DNAH10: variants seen among roughly 807,000 people sequenced by gnomAD.
DNAH10 encodes dynein axonemal heavy chain 10, also known as axonemal beta dynein heavy chain 10.
DNAH10 carries 348 observed loss-of-function variants against 506.6 expected under a neutral mutation model. The observed-to-expected ratio is 0.69, with a 90% CI of 0.63 to 0.75. The LOEUF (loss-of-function observed/expected upper bound fraction) is 0.75. DNAH10 is among the 30% of genes least tolerant of loss of function. The probability of loss-of-function intolerance (pLI) is 0.00; values close to 1 mark genes in which losing one functional copy is unlikely to be tolerated. For missense variants in DNAH10, 5,179 were observed against 5,787.1 expected, an observed-to-expected ratio of 0.89 and a Z score of 3.41; for synonymous variants, 2,059 against 2,198.6, an observed-to-expected ratio of 0.94 and a Z score of 1.78.
At chr12:123,930,371 C>CCTGG (rs1381117932) in intron 72 of DNAH10, 31 bp from the exon 73 acceptor site, 8 of 1,500,670 alleles carry the variant, frequency 5.3e-6, no homozygotes, top group Non-Finnish European at 6.2e-6. Flanking sequence ...GTTCTGAGCT[C>CCTGG]CTGGCTGGCT....
At chr12:123,893,728 C>T (rs1953093798) in intron 53 of DNAH10, among the ~76,000 whole-genome samples, 1 of 152,200 alleles carries the variant, frequency 6.6e-6, no homozygotes, top group Non-Finnish European at 1.5e-5. Context: ...CCACCAGCCT[C>T]ATGCCAGCCT....
Position 123,784,136 on chromosome 12 carries a change from G to A in DNAH10, c.1189G>A (p.Asp397Asn), listed in dbSNP as rs760223312. 5 of 1,614,140 alleles carry A rather than the reference G, an allele frequency of 3.1e-6. No homozygotes were observed. The Admixed American group carries it at 8.3e-5, about 27-fold the overall frequency. ...ELFKFHTEASDNVRFLSTVER... is the reference protein window; with the variant it reads ...ELFKFHTEASNNVRFLSTVER... ...ATTCAAGTTCCACACGGAGGCCTCA[G>A]ACAATGTGCGCTTTCTCTCCACCGT... is the stretch of plus-strand genomic sequence containing the variant. The change falls in exon 8 of 79, where the codon GAC (aspartate) becomes AAC (asparagine). Residue 397 changes from aspartate to asparagine, a missense_variant. Physicochemically the swap from Asp to Asn is conservative, Grantham distance 23. Transcript: ENST00000673944.
Position 123,919,158 on chromosome 12 carries a change from C to A in DNAH10, c.11506+209C>A. The A allele has an allele frequency of 1.8e-6, 1 of 562,076 alleles. No individual in the cohort carries two copies. Among genetic ancestry groups the A allele is most frequent in the Non-Finnish European group, 2.9e-6 (1 of 343,658 alleles). 34.8% of individuals were successfully genotyped at this position (562,076 alleles called of 1,614,324 possible). ...TGGTGCGATCACGGCTCACTGCAAC[C>A]TCCACCTCCCAGGCTCAGGTGATCC... On this transcript the variant is annotated intron_variant, in intron 65 of 78. Coordinates refer to ENST00000673944, the MANE Select transcript of DNAH10 (RefSeq NM_001372106.1). The surrounding 1 kb of genome is among the most constrained non-coding windows in gnomAD (Gnocchi z 4.9).
At chr12:123,786,873 C>T (rs1342600938) in intron 9 of DNAH10, among the ~76,000 whole-genome samples, 1 of 152,028 alleles carries the variant, frequency 6.6e-6, no homozygotes, top group Non-Finnish European at 1.5e-5. Flanking sequence ...TGCGGTGGCT[C>T]ACGCCTGTAA....
intron 78 of DNAH10, 37 bp downstream of exon 78, chr12:123,934,803 C>T (rs1955410916): frequency 1.2e-6 from 2 of 1,610,984 alleles, no homozygotes; most frequent in Non-Finnish European, 1.7e-6. Context: ...ACACCAGGGC[C>T]CTTCCTCTTC....
chr12:123,781,157 T>C lies in DNAH10; in HGVS notation c.699T>C (p.Asn233=). 1.9e-6 allele frequency: 3 copies of C among 1,614,146 alleles called. No individual in the cohort carries two copies. In the South Asian group the frequency reaches 3.3e-5, roughly 18 times the overall value. Residue 233 remains asparagine, a synonymous_variant, in exon 6 of 79, where the codon AAT becomes AAC. Coordinates refer to ENST00000673944, the MANE Select transcript of DNAH10 (RefSeq NM_001372106.1). ...GAGTCACATCTGGAGAAGTCTCTAA[T>C]TCCTCTGAGCATGAATCAGACCTGC... ...TVGVTSGEVS[N]SSEHESDLPP...
intron 35 of DNAH10, among the ~76,000 whole-genome samples, chr12:123,851,477 A>C (rs573991491): frequency 6.0e-5 from 9 of 148,980 alleles, no homozygotes; most frequent in African/African-American, 2.2e-4. Flanking sequence ...ACCTCTTTTT[A>C]AATTATAACT....
intron 12 of DNAH10, among the ~76,000 whole-genome samples, chr12:123,795,146 CAA>C (rs59542170): frequency 5.3e-5 from 6 of 112,262 alleles, no homozygotes; most frequent in Non-Finnish European, 5.3e-5. Context: ...AACTTCGTCT[CAA>C]AAAAAAAAAA....
In DNAH10 at chr12:123,873,165, T is replaced by C. The variant is rs547962449; in HGVS notation, c.7786-393T>C. On this transcript the variant is annotated intron_variant, in intron 45 of 78. Coordinates refer to ENST00000673944, the MANE Select transcript of DNAH10 (RefSeq NM_001372106.1). ...CTGTTGGATATTGCATCTCATACGA[T>C]GCAATAGCTCTATGAAGTAGTCCTA... 1.2e-4 allele frequency among the ~76,000 whole-genome samples: 18 copies of C among 152,378 alleles called. No individual in the cohort carries two copies. The South Asian group carries it at 2.7e-3, about 23-fold the overall frequency.
At chr12:123,858,274 T>G (rs1276720040) in intron 37 of DNAH10, among the ~76,000 whole-genome samples, 1 of 152,184 alleles carries the variant, frequency 6.6e-6, no homozygotes, top group East Asian at 1.9e-4. Context: ...ACGTATTGAT[T>G]GGCAGAGTCC....
At chr12:123,934,112 A>C (rs1165257908) in intron 77 of DNAH10, 2 of 615,314 alleles carry the variant, frequency 3.3e-6, no homozygotes, top group East Asian at 5.5e-5. Context: ...GGGAGGTGGC[A>C]GGTGTCCGGG....
chr12:123,770,268 A>G (rs12369137), intron 2 of DNAH10, among the ~76,000 whole-genome samples: 16 of 151,120 alleles, frequency 1.1e-4, no homozygotes, highest in African/African-American at 3.4e-4. Flanking sequence ...TTTTTTTAAA[A>G]TTTTTTTTGT....
Position 123,931,955 on chromosome 12 carries a change from A to C in DNAH10, c.13143A>C (p.Glu4381Asp). Residue 4381 changes from glutamate (E) to aspartate (D), a missense_variant, in exon 76 of 79, where the codon GAA becomes GAC. Glu to Asp is a conservative substitution (Grantham distance 45). Coordinates refer to ENST00000673944, the MANE Select transcript of DNAH10 (RefSeq NM_001372106.1). ...LAELQRALAGEVGMSNELDDV... is the reference protein window; with the variant it reads ...LAELQRALAGDVGMSNELDDV... ...ATTCTAAATAGGCCTTGGCTGGAGA[A>C]GTTGGAATGAGCAATGAGTTAGATG... 1 of 1,614,022 alleles carries C rather than the reference A, an allele frequency of 6.2e-7. No individual in the cohort carries two copies.
chr12:123,789,818 G>A (rs1958011036), intron 10 of DNAH10, 109 bp from the exon 11 acceptor site: 1 of 1,021,556 alleles, frequency 9.8e-7, no homozygotes, highest in South Asian at 1.6e-5. Context: ...GTTACTGTGT[G>A]ACATGATTCT....
chr12:123,838,608 GT>G lies in DNAH10; in HGVS notation c.5057del (p.Phe1686SerfsTer25). Reference sequence around the variant, plus strand: ...ATTCGAAGAGAAATGCTTTCCCAAGGTTCTTCTTCATTTCTGACGATGAGTT... The same window carrying G: ...ATTCGAAGAGAAATGCTTTCCCAAGGTCTTCTTCATTTCTGACGATGAGTT... ...LDSKRNAFPRFFFISDDELLS... is the reference protein window; with the variant it reads ...LDSKRNAFPRXFFISDDELLS... On this transcript the variant is annotated frameshift_variant, in exon 29 of 79. Transcript: ENST00000673944. LOFTEE classifies it high-confidence loss of function. 6.2e-7 allele frequency: 1 copy of G among 1,614,016 alleles called. No homozygotes were observed. Among genetic ancestry groups the G allele is most frequent in the Non-Finnish European group, 8.5e-7 (1 of 1,179,898 alleles).
intron 37 of DNAH10, among the ~76,000 whole-genome samples, chr12:123,858,071 G>T (rs1437330901): frequency 6.6e-6 from 1 of 151,672 alleles, no homozygotes. Context: ...TATATATATA[G>T]TTTTTTTTCA....
chr12:123,794,188 G>T (rs1958191005), intron 12 of DNAH10, 76 bp downstream of exon 12: 10 of 1,002,822 alleles, frequency 1.0e-5, no homozygotes, highest in Non-Finnish European at 1.1e-5. Flanking sequence ...TCCCACTATT[G>T]TCTGTCTTTC....
chr12:123,881,598 GA>G, intron 50 of DNAH10, 26 bp from the exon 51 acceptor site: 1 of 1,486,842 alleles, frequency 6.7e-7, no homozygotes, highest in Non-Finnish European at 8.9e-7. Context: ...GCTGGGTTTT[GA>G]ATTCTTTTTT....
In DNAH10 at chr12:123,930,483, A is replaced by G. The variant is rs371171261; in HGVS notation, c.12694A>G (p.Ile4232Val). The part of the protein sequence containing the change: ...IYMDEYLGDF[I>V]FDTFQPFHFF... ...CATGGATGAGTACCTGGGGGACTTCATTTTTGATACTTTCCAGCCATTCCA... is the reference window on the plus strand; with the variant it reads ...CATGGATGAGTACCTGGGGGACTTCGTTTTTGATACTTTCCAGCCATTCCA... Residue 4232 changes from isoleucine to valine, a missense_variant, in exon 73 of 79, where the codon ATT (isoleucine) becomes GTT (valine). By Grantham distance (29) the Ile-to-Val change is conservative. This residue lies in a region of DNAH10 where 4,844 missense variants were observed against 5,430.5 expected (regional missense o/e 0.89). Transcript: ENST00000673944. The G allele has an allele frequency of 6.2e-6, 10 of 1,611,464 alleles. No individual in the cohort carries two copies. The highest frequency in any genetic ancestry group is 1.3e-5 in the African/African-American group (1 of 74,710).
Sources: gnomAD v4.1 joint callset for allele counts (sites outside exome capture counted in the v4.1 genomes callset) on GRCh38, gnomAD v4.1.1 for gene constraint, gnomAD v4.1.1 regional missense constraint, Gnocchi (gnomAD v3.1) non-coding constraint, MANE v1.5 for transcripts, NCBI Gene and HGNC (gene_info 2026-07-23, HGNC 2026-07-21) for gene names.